The following MICU3 variants were observed in gnomAD, a reference collection of about 807,000 sequenced individuals.
MICU3 encodes the protein calcium uptake protein 3, mitochondrial.
Under a neutral mutation model 66.5 loss-of-function variants are expected in MICU3, and 62 were observed. The observed-to-expected ratio is 0.93, with a 90% CI of 0.76 to 1.15. The LOEUF is 1.15. MICU3 is among the 50% of genes most tolerant of loss of function. The pLI is 0.00. For synonymous variants in MICU3, 308 were observed against 240.7 expected (o/e 1.28, Z -2.59); for missense variants, 779 against 664.4 (o/e 1.17, Z -1.90).
At position 17,122,123 on chromosome 8, in the gene MICU3, C is replaced by T; in HGVS notation, c.*1836C>T. On this transcript the variant is annotated 3_prime_UTR_variant, in exon 15 of 15. Coordinates refer to ENST00000318063, the MANE Select transcript of MICU3 (RefSeq NM_181723.3). ...TTTCCCAAGGAAGAATAGCATTGTA[C>T]ATATGCAATCTTTATTTTATTCTTT... is the stretch of plus-strand genomic sequence containing the variant. 1 of 151,810 alleles carries T rather than the reference C, an allele frequency of 6.6e-6. No individual in the cohort carries two copies. Among genetic ancestry groups the T allele is most frequent in the Admixed American group, 6.6e-5 (1 of 15,244 alleles). The allele number at this position is 151,810 out of a possible 1,614,324, so 9.4% of individuals were successfully genotyped here. A position where few individuals can be genotyped will look rare whatever the true frequency, so the allele number is the denominator to read the frequency against.
intron 6 of MICU3, among the ~76,000 whole-genome samples, chr8:17,086,096 A>G (rs767890023): frequency 6.6e-5 from 10 of 152,110 alleles, no homozygotes; most frequent in East Asian, 1.9e-4. Flanking sequence ...AAGGGAAATC[A>G]ACAGCCATTT....
At chr8:17,049,563 G>A (rs1174169370) in intron 1 of MICU3, 3 of 516,390 alleles carry the variant, frequency 5.8e-6, no homozygotes, top group Non-Finnish European at 1.2e-5. Context: ...AGAAAGTTAA[G>A]TTATTTTTCC....
chr8:17,103,134 G>C (rs1026028478), intron 9 of MICU3, among the ~76,000 whole-genome samples: 20 of 151,888 alleles, frequency 1.3e-4, no homozygotes, highest in African/African-American at 4.8e-4. Context: ...GGGAAATCAG[G>C]TGTGGTCTTT....
chr8:17,116,331 T>A (rs1329102309), intron 12 of MICU3, 112 bp from the exon 13 acceptor site: 1 of 649,278 alleles, frequency 1.5e-6, no homozygotes, highest in Non-Finnish European at 2.3e-6. Flanking sequence ...CCATGTTGCA[T>A]AAGATCATGA....
chr8:17,086,936 T>G lies in MICU3; in HGVS notation c.778-28T>G, dbSNP rs1434870784. On this transcript the variant is annotated intron_variant, in intron 6 of 14. Transcript: ENST00000318063. ...GGTGCCCAGAAACTCTTGTTGGATA[T>G]TTGATTCTTGATTGATTTCTTTGTC... The G allele has an allele frequency of 2.0e-6, 3 of 1,496,988 alleles. No homozygotes were observed. In the South Asian group the frequency reaches 3.4e-5, roughly 17 times the overall value. The allele number at this position is 1,496,988 out of a possible 1,614,324, so 92.7% of individuals were successfully genotyped here.
At chr8:17,028,726 A>G (rs1160448878) in intron 1 of MICU3, among the ~76,000 whole-genome samples, 1 of 152,150 alleles carries the variant, frequency 6.6e-6, no homozygotes. Context: ...ACAAGCACAT[A>G]ACATAAAGTC....
intron 1 of MICU3, among the ~76,000 whole-genome samples, chr8:17,031,237 A>G (rs1811984113): frequency 6.7e-6 from 1 of 148,744 alleles, no homozygotes; most frequent in South Asian, 2.1e-4. Context: ...AAGAAATTTT[A>G]TTTTAAACCT....
intron 2 of MICU3, among the ~76,000 whole-genome samples, chr8:17,068,433 C>G (rs1003578567): frequency 3.3e-5 from 5 of 152,134 alleles, no homozygotes; most frequent in Non-Finnish European, 2.9e-5. Flanking sequence ...ATGTACTTTT[C>G]TACCATTTAT....
intron 1 of MICU3, among the ~76,000 whole-genome samples, chr8:17,037,215 C>T (rs1323004459): frequency 6.6e-6 from 1 of 152,236 alleles, no homozygotes; most frequent in Non-Finnish European, 1.5e-5. Context: ...TACCTCCCTG[C>T]AAGCTGAGGG....
At chr8:17,066,543 A>ATTT (rs777756919) in intron 2 of MICU3, among the ~76,000 whole-genome samples, 1 of 104,914 alleles carries the variant, frequency 9.5e-6, no homozygotes, top group Non-Finnish European at 1.8e-5. Flanking sequence ...ATATATATAG[A>ATTT]TTTTTTTTTT....
Position 17,027,615 on chromosome 8 carries a change from C to A in MICU3, c.336C>A (p.Arg112=). ...CCACGGAGCCCGAGGACCCGCCCCG[C>A]GGCCGGGGGATGCTGCCCATCCCAG... ...SAATEPEDPP[R]GRGMLPIPVA... Residue 112 remains arginine, a synonymous_variant, in exon 1 of 15, where the codon CGC becomes CGA. Coordinates refer to ENST00000318063, the MANE Select transcript of MICU3 (RefSeq NM_181723.3). The A allele has an allele frequency of 7.6e-7, 1 of 1,309,072 alleles. No homozygotes were observed. Among genetic ancestry groups the A allele is most frequent in the Non-Finnish European group, 9.7e-7 (1 of 1,033,300 alleles). The allele number at this position is 1,309,072 out of a possible 1,614,324, so 81.1% of individuals were successfully genotyped here.
intron 1 of MICU3, among the ~76,000 whole-genome samples, chr8:17,048,523 C>T (rs970095339): frequency 4.6e-5 from 7 of 152,146 alleles, no homozygotes; most frequent in African/African-American, 1.7e-4. Flanking sequence ...AGTTACCTCC[C>T]CTTGGGTCCC....
intron 1 of MICU3, chr8:17,049,488 A>T: frequency 2.1e-6 from 1 of 481,360 alleles, no homozygotes; most frequent in Admixed American, 2.0e-5. Flanking sequence ...TTTTCATTTA[A>T]TCTTTACAGT....
chr8:17,111,340 A>G lies in MICU3; in HGVS notation c.1258-2753A>G, dbSNP rs531811003. Reference sequence around the variant, plus strand: ...TATTATTTATCTTTAATTTTTTTCTACAGACAGGGTCTCACTCTGTTACCC... The same window carrying G: ...TATTATTTATCTTTAATTTTTTTCTGCAGACAGGGTCTCACTCTGTTACCC... On this transcript the variant is annotated intron_variant, in intron 11 of 14. Transcript: ENST00000318063. Among the ~76,000 whole-genome samples, 4 of 151,828 alleles carry G rather than the reference A, an allele frequency of 2.6e-5. No homozygotes were observed. In the South Asian group the frequency reaches 6.2e-4, roughly 24 times the overall value.
chr8:17,106,256 G>A (rs1288707709), intron 11 of MICU3, among the ~76,000 whole-genome samples: 1 of 151,462 alleles, frequency 6.6e-6, no homozygotes, highest in Non-Finnish European at 1.5e-5. Flanking sequence ...GATCAGGTTA[G>A]TCATCCAAGA....
chr8:17,050,802 G>A (rs1243625109), intron 1 of MICU3, among the ~76,000 whole-genome samples: 3 of 152,006 alleles, frequency 2.0e-5, no homozygotes, highest in Admixed American at 1.3e-4. Context: ...CTCTTGTAGG[G>A]GACATTTTTA....
At chr8:17,109,706 TTTTGAA>T (rs1432308998) in intron 11 of MICU3, among the ~76,000 whole-genome samples, 3 of 152,136 alleles carry the variant, frequency 2.0e-5, no homozygotes, top group Non-Finnish European at 4.4e-5. Context: ...TCTTTGGGCC[TTTTGAA>T]TTTTGAACAA....
chr8:17,133,178 A>G, the MICU3 span: 1 of 152,174 alleles, frequency 6.6e-6, no homozygotes, highest in Non-Finnish European at 1.5e-5. Flanking sequence ...CTTTCATCCT[A>G]CTTTTGATTC....
chr8:17,131,449 G>C, the MICU3 span: 5 of 152,324 alleles, frequency 3.3e-5, no homozygotes, highest in Admixed American at 2.6e-4. Context: ...TGAACTCCCT[G>C]AGTGTCAGAG....
Sources: allele counts gnomAD v4.1 joint callset (sites outside exome capture counted in the v4.1 genomes callset), GRCh38; gene constraint gnomAD v4.1.1; transcripts MANE v1.5; gene names NCBI Gene and HGNC (gene_info 2026-07-23, HGNC 2026-07-21).